TMEM131: variants seen among roughly 807,000 people sequenced by gnomAD.
TMEM131 encodes the protein transmembrane protein 131.
TMEM131 carries 66 observed loss-of-function variants against 211.6 expected under a neutral mutation model. The ratio of observed to expected loss-of-function variants is 0.31; its 90% confidence interval spans 0.26 to 0.38. The LOEUF (loss-of-function observed/expected upper bound fraction) is 0.38. TMEM131 is among the 10% of genes least tolerant of loss of function. The pLI is 1.00. For synonymous variants in TMEM131, 844 were observed against 841.3 expected, an observed-to-expected ratio of 1.00 and a Z score of -0.06; for missense variants, 2,036 against 2,299.3, an observed-to-expected ratio of 0.89 and a Z score of 2.34.
chr2:97,913,186 T>C (rs1479318360), intron 2 of TMEM131: 1 of 152,124 alleles, frequency 6.6e-6, no homozygotes, highest in Non-Finnish European at 1.5e-5. Context: ...GGCCTGCTGC[T>C]AAACACCCGG....
rs1680824578 is a variant in TMEM131, at chr2:97,797,513, G to A, written c.2722C>T (p.His908Tyr). The change falls in exon 26 of 41, where the codon CAT becomes TAT. Residue 908 changes from histidine (H) to tyrosine (Y), a missense_variant. His to Tyr is a moderately conservative substitution (Grantham distance 83). Coordinates refer to ENST00000186436, the MANE Select transcript of TMEM131 (RefSeq NM_015348.2). ...AATCCTGTTGAACTCTGCAGTGGAT[G>A]AGCCTTGAATCATTGGGTAAACAGA... is the stretch of plus-strand genomic sequence containing the variant. ...LEFQVFRNSAHPLQSSTGFME... is the reference protein window; with the variant it reads ...LEFQVFRNSAYPLQSSTGFME... The A allele has an allele frequency of 6.2e-7, 1 of 1,609,604 alleles. No individual in the cohort carries two copies. Among genetic ancestry groups the A allele is most frequent in the Non-Finnish European group, 8.5e-7 (1 of 1,178,170 alleles).
intron 1 of TMEM131, 124 bp from the exon 2 acceptor site, chr2:97,927,611 T>C (rs1266719458): frequency 3.1e-6 from 2 of 655,474 alleles, no homozygotes; most frequent in South Asian, 5.3e-5. Flanking sequence ...ATGGTGATGG[T>C]TGAAAAGAAA....
chr2:97,809,633 TA>T (rs1681460652), intron 19 of TMEM131, 54 bp downstream of exon 19: 2 of 1,304,074 alleles, frequency 1.5e-6, no homozygotes, highest in South Asian at 1.3e-5. Context: ...AACACAGAGC[TA>T]AAGGCAAAGG....
intron 2 of TMEM131, among the ~76,000 whole-genome samples, chr2:97,916,163 G>A (rs1294037999): frequency 1.3e-5 from 2 of 152,068 alleles, no homozygotes; most frequent in Non-Finnish European, 2.9e-5. Flanking sequence ...TGATCCACCC[G>A]CCTCAGCCTC....
intron 24 of TMEM131, 118 bp downstream of exon 24, chr2:97,802,310 C>A (rs1573383014): frequency 2.5e-6 from 2 of 811,072 alleles, no homozygotes; most frequent in East Asian, 5.5e-5. Flanking sequence ...CCTTATAGAT[C>A]CAGAACTTCT....
rs181324766 is a variant in TMEM131, at chr2:97,878,223, G to C, written c.359+9829C>G. 4.7e-3 allele frequency among the ~76,000 whole-genome samples: 709 copies of C among 152,318 alleles called. 5 individuals are homozygous for C. The highest frequency in any genetic ancestry group is 0.017 in the South Asian group (83 of 4,828). Reference sequence around the variant, plus strand: ...CAACAGATGCTGGACAGGATGTGGAGAAACAGGAACGCTTTTACACTGTTG... The same window carrying C: ...CAACAGATGCTGGACAGGATGTGGACAAACAGGAACGCTTTTACACTGTTG... On this transcript the variant is annotated intron_variant, in intron 4 of 40. Coordinates refer to ENST00000186436, the MANE Select transcript of TMEM131 (RefSeq NM_015348.2).
At chr2:97,766,650 G>A in intron 33 of TMEM131, 48 bp from the exon 34 acceptor site, 4 of 1,602,406 alleles carry the variant, frequency 2.5e-6, no homozygotes, top group Non-Finnish European at 3.4e-6. Flanking sequence ...CCTCTGTTTT[G>A]GAGGACAGAA....
chr2:97,800,275 C>T (rs1036610015), intron 25 of TMEM131, among the ~76,000 whole-genome samples: 6 of 152,128 alleles, frequency 3.9e-5, no homozygotes, highest in Non-Finnish European at 5.9e-5. Context: ...ACTCTAGGAC[C>T]TCCTCCTGAA....
chr2:97,818,349 C>T (rs998695508), intron 12 of TMEM131, among the ~76,000 whole-genome samples: 1 of 151,636 alleles, frequency 6.6e-6, no homozygotes, highest in Non-Finnish European at 1.5e-5. Flanking sequence ...GGAAATGATT[C>T]CAATCCTAAT....
At chr2:97,757,978 A>G (rs1008668087) in intron 40 of TMEM131, among the ~76,000 whole-genome samples, 2 of 152,110 alleles carry the variant, frequency 1.3e-5, no homozygotes, top group African/African-American at 4.8e-5. Flanking sequence ...TAAAAATACA[A>G]AAAATTAGCC....
At chr2:97,799,315 C>CT (rs1438635570) in intron 25 of TMEM131, among the ~76,000 whole-genome samples, 1 of 151,860 alleles carries the variant, frequency 6.6e-6, no homozygotes, top group Non-Finnish European at 1.5e-5. Flanking sequence ...AACTTCAACC[C>CT]TGGAGCATGT....
rs1453500037 is a variant in TMEM131, at chr2:97,974,616, T to C, written c.187+20860A>G. ...AAGTATCAAGAGAAAAAAAAAGACA[T>C]GTTATATACAGAGGAACAAAGATAA... On this transcript the variant is annotated intron_variant, in intron 1 of 40. Coordinates refer to ENST00000186436, the MANE Select transcript of TMEM131 (RefSeq NM_015348.2). Among the ~76,000 whole-genome samples, 8 of 150,884 alleles carry C rather than the reference T, an allele frequency of 5.3e-5. No homozygotes were observed. The East Asian group carries it at 1.5e-3, about 29-fold the overall frequency.
Position 97,995,744 on chromosome 2 carries a change from C to T in TMEM131, c.-82G>A. 1 of 1,054,826 alleles carries T rather than the reference C, an allele frequency of 9.5e-7. No homozygotes were observed. Among genetic ancestry groups the T allele is most frequent in the Non-Finnish European group, 1.2e-6 (1 of 852,696 alleles). The allele number at this position is 1,054,826 out of a possible 1,614,324, so 65.3% of individuals were successfully genotyped here. A position where few individuals can be genotyped will look rare whatever the true frequency, so the allele number is the denominator to read the frequency against. On this transcript the variant is annotated 5_prime_UTR_variant, in exon 1 of 41. Coordinates refer to ENST00000186436, the MANE Select transcript of TMEM131 (RefSeq NM_015348.2). ...CGGCGGCGGCGCGGAAGCCGTGGTC[C>T]GGGCTCTGGCCGCGGCGCCGGGAGC...
At position 97,833,438 on chromosome 2, in the gene TMEM131, G is replaced by A; in HGVS notation, c.1013-12C>T. On this transcript the variant is annotated splice_polypyrimidine_tract_variant and intron_variant, in intron 10 of 40. Coordinates refer to ENST00000186436, the MANE Select transcript of TMEM131 (RefSeq NM_015348.2). ...AACTTTTGGTAGATCTGTTAAAATTGAGGAAAAGAAATATTTCTTAAAAAG... is the reference window on the plus strand; with the variant it reads ...AACTTTTGGTAGATCTGTTAAAATTAAGGAAAAGAAATATTTCTTAAAAAG... The A allele has an allele frequency of 8.1e-7, 1 of 1,232,694 alleles. No individual in the cohort carries two copies. Among genetic ancestry groups the A allele is most frequent in the Non-Finnish European group, 1.1e-6 (1 of 877,702 alleles). 76.4% of individuals were successfully genotyped at this position (1,232,694 alleles called of 1,614,324 possible).
chr2:97,994,829 G>A (rs2104697022), intron 1 of TMEM131, among the ~76,000 whole-genome samples: 1 of 152,298 alleles, frequency 6.6e-6, no homozygotes, highest in Admixed American at 6.5e-5. Flanking sequence ...ATAAATGCTT[G>A]CAAGCTGGCA....
intron 6 of TMEM131, among the ~76,000 whole-genome samples, chr2:97,843,064 T>C (rs1014986954): frequency 8.7e-5 from 9 of 103,370 alleles, no homozygotes; most frequent in Admixed American, 3.4e-4. Flanking sequence ...GGAGGAAATG[T>C]TTAAAAAAAA....
chr2:97,943,022 A>AAAAG lies in TMEM131; in HGVS notation c.188-15539_188-15536dup, dbSNP rs1677837015. Among the ~76,000 whole-genome samples the AAAAG allele has an allele frequency of 1.2e-3, 72 of 59,862 alleles. 3 individuals are homozygous for AAAAG. Among genetic ancestry groups the AAAAG allele is most frequent in the African/African-American group, 4.3e-3 (60 of 14,062 alleles). 39.3% of individuals were successfully genotyped at this position (59,862 alleles called of 152,430 possible). A position where few individuals can be genotyped will look rare whatever the true frequency, so the allele number is the denominator to read the frequency against. ...AGAAAGAAAAGAAAGAAAAGAAAAG[A>AAAAG]AAAGAAAAGAAAAGAAAAGAAAGAA... is the stretch of plus-strand genomic sequence containing the variant. On this transcript the variant is annotated intron_variant, in intron 1 of 40. Coordinates refer to ENST00000186436, the MANE Select transcript of TMEM131 (RefSeq NM_015348.2).
At chr2:97,796,747 AC>A in intron 27 of TMEM131, 96 bp downstream of exon 27, 33 of 1,220,434 alleles carry the variant, frequency 2.7e-5, no homozygotes, top group Non-Finnish European at 3.8e-5. Context: ...ACTAATATAC[AC>A]AGGTGCACAT....
Position 97,809,705 on chromosome 2 carries a change from G to A in TMEM131, c.2038C>T (p.Leu680Phe), listed in dbSNP as rs765683093. 2 of 1,610,814 alleles carry A rather than the reference G, an allele frequency of 1.2e-6. No homozygotes were observed. The highest frequency in any genetic ancestry group is 1.7e-6 in the Non-Finnish European group (2 of 1,178,536). ...SLTCFPKHVV[L>F]PPSFPGKIVH... ...GGTCTTACTGGAAAGGAAGGTGGAAGAACCACGTGCTTAGGGAAGCAGGTC... is the reference window on the plus strand; with the variant it reads ...GGTCTTACTGGAAAGGAAGGTGGAAAAACCACGTGCTTAGGGAAGCAGGTC... Residue 680 changes from leucine (L) to phenylalanine (F), a missense_variant, in exon 19 of 41, where the codon CTT (leucine) becomes TTT (phenylalanine). Leu to Phe is a conservative substitution (Grantham distance 22, BLOSUM62 0). Around this residue, in one of 3 missense-constraint regions of TMEM131, gnomAD observed 1,623 missense variants for 1,805.9 expected, o/e 0.90. Coordinates refer to ENST00000186436, the MANE Select transcript of TMEM131 (RefSeq NM_015348.2).
Sources: gnomAD v4.1 joint callset for allele counts (sites outside exome capture counted in the v4.1 genomes callset) on GRCh38, gnomAD v4.1.1 for gene constraint, gnomAD v4.1.1 regional missense constraint, MANE v1.5 for transcripts, NCBI Gene and HGNC (gene_info 2026-07-23, HGNC 2026-07-21) for gene names.